Variants in ADGRF5 observed in about 807,000 individuals in gnomAD.
ADGRF5 encodes G-protein coupled receptor 116.
A neutral mutation model predicts 132.3 loss-of-function variants in ADGRF5; 75 were observed. That is an observed-to-expected ratio of 0.57 (90% confidence interval 0.47 to 0.69). The LOEUF (loss-of-function observed/expected upper bound fraction) is 0.69. Among genes scored for constraint, ADGRF5 ranks in the 30% least tolerant of loss-of-function variants. The pLI, the probability that ADGRF5 is intolerant of heterozygous loss-of-function variation, is 0.00. For missense variants in ADGRF5, 1,516 were observed against 1,630.6 expected (o/e 0.93, Z 1.21); for synonymous variants, 629 against 597.6 (o/e 1.05, Z -0.77).
intron 1 of ADGRF5, among the ~76,000 whole-genome samples, chr6:46,946,742 T>C (rs1265118524): frequency 2.6e-5 from 4 of 152,042 alleles, no homozygotes; most frequent in African/African-American, 7.2e-5. Context: ...CTGGCACAGA[T>C]TTGGTGGTGA....
intron 1 of ADGRF5, among the ~76,000 whole-genome samples, chr6:46,919,507 G>A (rs999102155): frequency 2.6e-5 from 4 of 152,240 alleles, no homozygotes; most frequent in Non-Finnish European, 5.9e-5. Context: ...ACGTGAGGAG[G>A]TGGGACCCCA....
chr6:46,876,036 A>G (rs1338333143), intron 10 of ADGRF5, among the ~76,000 whole-genome samples: 1 of 152,228 alleles, frequency 6.6e-6, no homozygotes, highest in African/African-American at 2.4e-5. Flanking sequence ...AGAGCAGGTC[A>G]TTCATTCAGT....
intron 1 of ADGRF5, among the ~76,000 whole-genome samples, chr6:46,930,564 T>C (rs1377153291): frequency 6.6e-6 from 1 of 152,208 alleles, no homozygotes; most frequent in African/African-American, 2.4e-5. Flanking sequence ...AGCAGTTATT[T>C]ATGGGCTGGC....
At chr6:46,880,062 A>G (rs185295817) in intron 8 of ADGRF5, 23 bp from the exon 9 acceptor site, 77 of 1,537,164 alleles carry the variant, frequency 5.0e-5, no homozygotes, top group Admixed American at 3.8e-4. Flanking sequence ...AGAAAAGTTA[A>G]TAAGATCCCA....
At chr6:46,899,672 G>C (rs866338131) in intron 3 of ADGRF5, among the ~76,000 whole-genome samples, 1 of 149,160 alleles carries the variant, frequency 6.7e-6, no homozygotes, top group Non-Finnish European at 1.5e-5. Flanking sequence ...TTTTTTGTTT[G>C]TTTTGTTTTT....
intron 1 of ADGRF5, among the ~76,000 whole-genome samples, chr6:46,942,760 C>A (rs1361188552): frequency 6.6e-6 from 1 of 152,164 alleles, no homozygotes; most frequent in African/African-American, 2.4e-5. Flanking sequence ...TATCTCTAGA[C>A]TGCTAATATT....
At chr6:46,884,361 G>T in intron 4 of ADGRF5, 90 bp from the exon 5 acceptor site, 1 of 994,870 alleles carries the variant, frequency 1.0e-6, no homozygotes, top group Non-Finnish European at 1.5e-6. Flanking sequence ...CATTCTTGAA[G>T]AACATCCGAA....
At chr6:46,862,302 G>A (rs1769847953) in intron 15 of ADGRF5, among the ~76,000 whole-genome samples, 1 of 152,106 alleles carries the variant, frequency 6.6e-6, no homozygotes, top group Non-Finnish European at 1.5e-5. Flanking sequence ...CAAATCAAGT[G>A]TGGAGGTCCC....
Position 46,869,408 on chromosome 6 carries a change from C to T in ADGRF5, c.1412-316G>A, listed in dbSNP as rs184835217. On this transcript the variant is annotated intron_variant, in intron 11 of 20. Transcript: ENST00000283296. ...TAAAAGGTTGCAAACTTAGGGGTGT[C>T]GCCTTATCCCACGCTCCCCTCCAAC... is the stretch of plus-strand genomic sequence containing the variant. 4.9e-5 allele frequency: 48 copies of T among 985,240 alleles called. No homozygotes were observed. The African/African-American group carries it at 7.3e-4, about 15-fold the overall frequency. 61.0% of individuals were successfully genotyped at this position (985,240 alleles called of 1,614,324 possible). A position where few individuals can be genotyped will look rare whatever the true frequency, so the allele number is the denominator to read the frequency against.
chr6:46,873,891 T>C (rs1054389462), intron 10 of ADGRF5, among the ~76,000 whole-genome samples: 2 of 152,210 alleles, frequency 1.3e-5, no homozygotes, highest in African/African-American at 2.4e-5. Context: ...ACTCACCTTT[T>C]ACCCCTACTC....
At chr6:46,951,279 G>A (rs1778491307) in intron 1 of ADGRF5, among the ~76,000 whole-genome samples, 1 of 151,162 alleles carries the variant, frequency 6.6e-6, no homozygotes, top group Non-Finnish European at 1.5e-5. Context: ...AGAGGTGCAG[G>A]AGGCATCTCA....
At chr6:46,928,164 C>T (rs1460329056) in intron 1 of ADGRF5, among the ~76,000 whole-genome samples, 3 of 152,150 alleles carry the variant, frequency 2.0e-5, no homozygotes, top group Non-Finnish European at 4.4e-5. Flanking sequence ...TATCAAAATT[C>T]TAGATAAAAT....
At chr6:46,906,565 GT>G (rs1355969466) in intron 2 of ADGRF5, 95 bp downstream of exon 2, 3 of 722,496 alleles carry the variant, frequency 4.2e-6, no homozygotes, top group African/African-American at 3.6e-5. Context: ...TCCCCCTAAA[GT>G]TTTTTCTCCT....
At chr6:46,947,800 C>T (rs1778354294) in intron 1 of ADGRF5, among the ~76,000 whole-genome samples, 1 of 152,194 alleles carries the variant, frequency 6.6e-6, no homozygotes, top group Non-Finnish European at 1.5e-5. Flanking sequence ...AGGGCTACAG[C>T]ACATTTTCCT....
At chr6:46,923,761 A>T (rs747767279), upstream of ADGRF5, among the ~76,000 whole-genome samples, 24 of 152,166 alleles carry the variant, frequency 1.6e-4, no homozygotes, top group Admixed American at 7.2e-4. Context: ...TGCTGCACAC[A>T]CATTACAATG....
intron 3 of ADGRF5, among the ~76,000 whole-genome samples, chr6:46,894,183 T>A (rs1399856959): frequency 2.0e-5 from 3 of 152,194 alleles, no homozygotes; most frequent in African/African-American, 7.2e-5. Flanking sequence ...CAAGTAAATA[T>A]CAAAAGATAC....
intron 1 of ADGRF5, among the ~76,000 whole-genome samples, chr6:46,931,125 G>A (rs566643570): frequency 6.6e-6 from 1 of 152,124 alleles, no homozygotes; most frequent in Admixed American, 6.5e-5. Context: ...TACCCATTGT[G>A]GTCTTCTTTC....
chr6:46,930,791 G>T (rs571820411), intron 1 of ADGRF5, among the ~76,000 whole-genome samples: 1 of 152,130 alleles, frequency 6.6e-6, no homozygotes, highest in Non-Finnish European at 1.5e-5. Context: ...GGCAGCTCAC[G>T]CCTGTAATCC....
chr6:46,913,574 A>G (rs562415385), intron 1 of ADGRF5, among the ~76,000 whole-genome samples: 2 of 152,008 alleles, frequency 1.3e-5, no homozygotes, highest in Admixed American at 6.6e-5. Flanking sequence ...TAAGGAGGAG[A>G]CTGATATTGC....
Sources: gnomAD v4.1 joint callset for allele counts (sites outside exome capture counted in the v4.1 genomes callset) on GRCh38, gnomAD v4.1.1 for gene constraint, MANE v1.5 for transcripts, NCBI Gene and HGNC (gene_info 2026-07-23, HGNC 2026-07-21) for gene names.